The following SYN2 variants were observed in gnomAD, a reference collection of about 807,000 sequenced individuals.
The protein encoded by SYN2 is synapsin-2.
In SYN2, 19 loss-of-function variants were observed where a neutral mutation model predicts 50.9. That is an observed-to-expected ratio of 0.37 (90% CI 0.26 to 0.55). The LOEUF is 0.55. Ranked by LOEUF, SYN2 falls within the 20% of genes least tolerant of loss-of-function variation. SYN2 has a pLI of 0.81. For missense variants in SYN2, 587 were observed against 576.4 expected (o/e 1.02, Z -0.19); for synonymous variants, 255 against 224.9 (o/e 1.13, Z -1.20).
At chr3:12,187,102 T>TGACG (rs1698357124) in intron 11 of SYN2, among the ~76,000 whole-genome samples, 1 of 152,192 alleles carries the variant, frequency 6.6e-6, no homozygotes, top group Admixed American at 6.5e-5. Flanking sequence ...AGTGCGCCTC[T>TGACG]GACGGGGCCG....
intron 1 of SYN2, among the ~76,000 whole-genome samples, chr3:12,079,343 A>AT (rs1480886420): frequency 6.6e-5 from 10 of 152,262 alleles, no homozygotes; most frequent in African/African-American, 2.4e-4. Context: ...ATTATGTTGA[A>AT]TAGGAGTGGT....
intron 1 of SYN2, among the ~76,000 whole-genome samples, chr3:12,136,817 A>T (rs1696904057): frequency 1.3e-5 from 2 of 152,190 alleles, no homozygotes; most frequent in Non-Finnish European, 2.9e-5. Context: ...GAAAAATGTT[A>T]CAATAGGGGG....
At chr3:12,141,842 T>C in intron 2 of SYN2, 63 bp from the exon 3 acceptor site, 1 of 773,310 alleles carries the variant, frequency 1.3e-6, no homozygotes, top group Non-Finnish European at 2.4e-6. Context: ...ATGTTGCTGC[T>C]GCTATGTAGA....
chr3:12,076,279 C>G (rs1413927560), intron 1 of SYN2, among the ~76,000 whole-genome samples: 1 of 152,016 alleles, frequency 6.6e-6, no homozygotes, highest in Non-Finnish European at 1.5e-5. Flanking sequence ...CTTGAATTTT[C>G]TCAGTAGTGA....
rs111586499 is a variant in SYN2 at position 12,182,750 on chromosome 3, C to T, written c.1309-562C>T. Among the ~76,000 whole-genome samples, 158 of 152,354 alleles carry T rather than the reference C, an allele frequency of 1.0e-3. 2 individuals carry two copies. Among genetic ancestry groups the T allele is most frequent in the Middle Eastern group, 3.4e-3 (1 of 294 alleles). Reference sequence around the variant, plus strand: ...GTCAGGCCTAGAACTGATCCCACTCCGGAGTTAACTCCAGATGAGAAGTGA... The same window carrying T: ...GTCAGGCCTAGAACTGATCCCACTCTGGAGTTAACTCCAGATGAGAAGTGA... On this transcript the variant is annotated intron_variant, in intron 10 of 12. Coordinates refer to ENST00000621198, the MANE Select transcript of SYN2 (RefSeq NM_133625.6).
At chr3:12,153,545 C>A in intron 5 of SYN2, 1 of 1,613,940 alleles carries the variant, frequency 6.2e-7, no homozygotes, top group Non-Finnish European at 8.5e-7. Context: ...CAAACTCCTT[C>A]CTGAGAGGCA....
intron 1 of SYN2, among the ~76,000 whole-genome samples, chr3:12,033,986 T>C (rs1016908772): frequency 2.6e-5 from 4 of 152,266 alleles, no homozygotes; most frequent in Non-Finnish European, 4.4e-5. Flanking sequence ...AAAGCTGTTA[T>C]GAATATTTAT....
At chr3:12,053,560 A>G (rs1334003498) in intron 1 of SYN2, among the ~76,000 whole-genome samples, 1 of 152,188 alleles carries the variant, frequency 6.6e-6, no homozygotes, top group Non-Finnish European at 1.5e-5. Flanking sequence ...AAACATAATT[A>G]TTCTGTAATT....
intron 1 of SYN2, among the ~76,000 whole-genome samples, chr3:12,012,372 G>T (rs1384123669): frequency 6.6e-6 from 1 of 152,190 alleles, no homozygotes; most frequent in East Asian, 1.9e-4. Flanking sequence ...GGTAGTGCTT[G>T]TATTTGTTTC....
intron 5 of SYN2, among the ~76,000 whole-genome samples, chr3:12,158,145 C>T (rs1574869124): frequency 6.6e-6 from 1 of 152,250 alleles, no homozygotes; most frequent in African/African-American, 2.4e-5. Flanking sequence ...GATGCTGAGG[C>T]GGCACCAAGG....
At chr3:12,090,043 T>C (rs1002089985) in intron 1 of SYN2, among the ~76,000 whole-genome samples, 1 of 152,188 alleles carries the variant, frequency 6.6e-6, no homozygotes, top group Non-Finnish European at 1.5e-5. Context: ...AGAAATAGAC[T>C]AAAAGCATTT....
intron 1 of SYN2, among the ~76,000 whole-genome samples, chr3:12,039,360 G>C (rs997733083): frequency 6.6e-6 from 1 of 151,964 alleles, no homozygotes; most frequent in Non-Finnish European, 1.5e-5. Context: ...TTCTGACATT[G>C]TACAGAGGGA....
At position 12,013,896 on chromosome 3, in the gene SYN2, C is replaced by T. The variant is rs567424322; in HGVS notation, c.377+8968C>T. ...AGCAATACTGAACTGTTTGCACTTC[C>T]ATACACACATTGTTGCATTCCTCCT... On this transcript the variant is annotated intron_variant, in intron 1 of 12. Coordinates refer to ENST00000621198, the MANE Select transcript of SYN2 (RefSeq NM_133625.6). 3.9e-5 allele frequency among the ~76,000 whole-genome samples: 6 copies of T among 152,308 alleles called. 1 individual carries two copies. The highest frequency in any genetic ancestry group is 1.4e-4 in the African/African-American group (6 of 41,564).
intron 1 of SYN2, among the ~76,000 whole-genome samples, chr3:12,136,069 G>A (rs539903396): frequency 6.6e-6 from 1 of 152,138 alleles, no homozygotes; most frequent in Non-Finnish European, 1.5e-5. Flanking sequence ...TTAGACAACC[G>A]ACTTTGAAAG....
chr3:12,183,507 A>C (rs1482943421), intron 11 of SYN2, 135 bp downstream of exon 11: 33 of 1,580,994 alleles, frequency 2.1e-5, no homozygotes, highest in Non-Finnish European at 2.7e-5. Context: ...GAAAGCGGGG[A>C]GGGGAAAACA....
chr3:12,114,587 A>G (rs1311147834), intron 1 of SYN2, among the ~76,000 whole-genome samples: 3 of 152,046 alleles, frequency 2.0e-5, no homozygotes, highest in East Asian at 3.9e-4. Flanking sequence ...ACTTTGACCC[A>G]TTTGAGTTAA....
At chr3:12,142,569 T>G (rs930890736) in intron 3 of SYN2, among the ~76,000 whole-genome samples, 12 of 152,244 alleles carry the variant, frequency 7.9e-5, no homozygotes, top group African/African-American at 2.9e-4. Context: ...GGAAGAAAAT[T>G]AGCAATTATT....
chr3:12,157,488 T>C (rs1198810807), intron 5 of SYN2: 9 of 1,613,838 alleles, frequency 5.6e-6, no homozygotes, highest in Non-Finnish European at 5.9e-6. Flanking sequence ...AATCACTGCA[T>C]AGGAAGAGAA....
intron 10 of SYN2, among the ~76,000 whole-genome samples, chr3:12,179,707 TC>T (rs1458468548): frequency 6.6e-6 from 1 of 152,180 alleles, no homozygotes; most frequent in East Asian, 1.9e-4. Context: ...CTTCTAACCA[TC>T]CTATTTGCTC....
Sources: gnomAD v4.1 joint callset for allele counts (sites outside exome capture counted in the v4.1 genomes callset) on GRCh38, gnomAD v4.1.1 for gene constraint, MANE v1.5 for transcripts, NCBI Gene and HGNC (gene_info 2026-07-23, HGNC 2026-07-21) for gene names.